Variants in CIDEC observed in about 807,000 individuals in gnomAD.
The protein encoded by CIDEC is lipid transferase CIDEC.
A neutral mutation model predicts 21.9 loss-of-function variants in CIDEC; 11 were observed. The ratio of observed to expected loss-of-function variants is 0.50; its 90% CI spans 0.32 to 0.83. The LOEUF (loss-of-function observed/expected upper bound fraction) is 0.83, where lower values mean the gene tolerates loss of function less well. Among genes scored for constraint, CIDEC ranks in the 40% least tolerant of loss-of-function variants. The pLI, the probability that CIDEC is intolerant of heterozygous loss-of-function variation, is 0.04. For synonymous variants in CIDEC, 127 were observed against 124.9 expected (o/e 1.02, Z -0.11); for missense variants, 302 against 302.3 (o/e 1.00, Z 0.01).
In CIDEC at chr3:9,867,040, G is replaced by A. The variant is rs1192245592; in HGVS notation, c.*94C>T. The A allele has an allele frequency of 5.0e-6, 7 of 1,396,680 alleles. No individual in the cohort carries two copies. Among genetic ancestry groups the A allele is most frequent in the African/African-American group, 4.2e-5 (3 of 70,714 alleles). The allele number at this position is 1,396,680 out of a possible 1,614,324, so 86.5% of individuals were successfully genotyped here. On this transcript the variant is annotated 3_prime_UTR_variant, in exon 7 of 7. Coordinates refer to ENST00000336832, the MANE Select transcript of CIDEC (RefSeq NM_001321142.2). ...GTGAGGGAGGTGTGGGGAGGTTCGC[G>A]GCTCTACAGCTGCCAGGCTTGTGGG...
intron 4 of CIDEC, among the ~76,000 whole-genome samples, chr3:9,873,912 A>T (rs1208170483): frequency 6.6e-6 from 1 of 152,170 alleles, no homozygotes; most frequent in Non-Finnish European, 1.5e-5. Context: ...CTCTTTCAGT[A>T]AGGGCCTGGG....
At chr3:9,869,789 C>T (rs543093399) in intron 6 of CIDEC, 93 bp downstream of exon 6, 1 of 1,191,438 alleles carries the variant, frequency 8.4e-7, no homozygotes, top group Admixed American at 1.9e-5. Context: ...AAAGCCAGAC[C>T]CAGGCGCTGA....
At chr3:9,869,450 A>G (rs1181543086) in intron 6 of CIDEC, among the ~76,000 whole-genome samples, 3 of 151,698 alleles carry the variant, frequency 2.0e-5, no homozygotes, top group Non-Finnish European at 2.9e-5. Context: ...AGGTTTTGCC[A>G]TGTTGGCCAG....
At chr3:9,878,608 C>A in intron 2 of CIDEC, 97 bp from the exon 3 acceptor site, 1 of 1,263,458 alleles carries the variant, frequency 7.9e-7, no homozygotes, top group Non-Finnish European at 1.1e-6. Flanking sequence ...TGTTCAGCAA[C>A]CTTCCTCCCT....
chr3:9,872,525 A>C (rs190316554), intron 4 of CIDEC, among the ~76,000 whole-genome samples: 1 of 152,124 alleles, frequency 6.6e-6, no homozygotes, highest in Non-Finnish European at 1.5e-5. Context: ...CTTTGGAGAA[A>C]TATCTACTCA....
In CIDEC at chr3:9,877,149, C is replaced by G; in HGVS notation, c.124G>C (p.Ala42Pro). The change falls in exon 4 of 7, where the codon GCC becomes CCC. Residue 42 changes from alanine (A) to proline (P), a missense_variant. Transcript: ENST00000336832. ...LSEPSPKAPR[A>P]RPCRVSTADR... Reference sequence around the variant, plus strand: ...GCCGTGCTTACGCGGCAGGGCCGGGCCCTGGGGGCCTTGGGGCTGGGCTCC... The same window carrying G: ...GCCGTGCTTACGCGGCAGGGCCGGGGCCTGGGGGCCTTGGGGCTGGGCTCC... 2.6e-6 allele frequency: 4 copies of G among 1,551,824 alleles called. No individual in the cohort carries two copies. The highest frequency in any genetic ancestry group is 3.5e-6 in the Non-Finnish European group (4 of 1,147,204).
At chr3:9,878,769 T>C in intron 2 of CIDEC, 173 bp downstream of exon 2, 1 of 1,536,088 alleles carries the variant, frequency 6.5e-7, no homozygotes, top group Non-Finnish European at 8.7e-7. Flanking sequence ...CCTGCCCCAG[T>C]CCCACTCACT....
At chr3:9,879,698 C>T (rs894265122) in intron 1 of CIDEC, among the ~76,000 whole-genome samples, 5 of 152,066 alleles carry the variant, frequency 3.3e-5, no homozygotes, top group African/African-American at 9.7e-5. Flanking sequence ...TGATCCAGGA[C>T]GAAATTTTTG....
chr3:9,877,321 C>T, intron 3 of CIDEC, 102 bp from the exon 4 acceptor site: 1 of 1,142,176 alleles, frequency 8.8e-7, no homozygotes, highest in Non-Finnish European at 1.3e-6. Flanking sequence ...GGCTCATGAT[C>T]AGTCAACCCC....
intron 4 of CIDEC, among the ~76,000 whole-genome samples, chr3:9,874,761 C>T (rs919292307): frequency 6.6e-6 from 1 of 151,988 alleles, no homozygotes; most frequent in Non-Finnish European, 1.5e-5. Flanking sequence ...AACAGGGTCT[C>T]GCTCTGTCAC....
chr3:9,878,673 C>A, intron 2 of CIDEC, 162 bp from the exon 3 acceptor site: 1 of 1,377,258 alleles, frequency 7.3e-7, no homozygotes, highest in Non-Finnish European at 1.0e-6. Context: ...TGTCCGGCCC[C>A]ATGCATGCCA....
At chr3:9,876,158 G>T (rs550955445) in intron 4 of CIDEC, among the ~76,000 whole-genome samples, 1 of 152,214 alleles carries the variant, frequency 6.6e-6, no homozygotes, top group Non-Finnish European at 1.5e-5. Flanking sequence ...GATTGCAGAT[G>T]AGAGGGTCCC....
chr3:9,870,595 T>C, intron 4 of CIDEC: 1 of 888,366 alleles, frequency 1.1e-6, no homozygotes, highest in East Asian at 2.6e-5. Flanking sequence ...TTTTAGTATA[T>C]TCGCAAAGTT....
chr3:9,877,000 C>A lies in CIDEC; in HGVS notation c.207+66G>T, dbSNP rs907945843. The A allele has an allele frequency of 9.4e-6, 13 of 1,378,234 alleles. No homozygotes were observed. In the African/African-American group the frequency reaches 1.2e-4, roughly 12 times the overall value. 85.4% of individuals were successfully genotyped at this position (1,378,234 alleles called of 1,614,324 possible). The stretch of plus-strand genomic sequence containing the variant: ...AAAGGAAACTGTGCCACCTTCTAAG[C>A]CCTGACCTCCATCTCTGCTGAATCC... On this transcript the variant is annotated intron_variant, in intron 4 of 6. Coordinates refer to ENST00000336832, the MANE Select transcript of CIDEC (RefSeq NM_001321142.2).
rs536172637 is a variant in CIDEC, at chr3:9,876,934, C to A, written c.207+132G>T. Reference sequence around the variant, plus strand: ...CATTGCTAATTAGTTGGACAGCTCTCCAGGTGGGCATTACCATCTGTAGGC... The same window carrying A: ...CATTGCTAATTAGTTGGACAGCTCTACAGGTGGGCATTACCATCTGTAGGC... On this transcript the variant is annotated intron_variant, in intron 4 of 6. Transcript: ENST00000336832. 738 of 735,038 alleles carry A rather than the reference C, an allele frequency of 1.0e-3. 15 individuals are homozygous for A. In the South Asian group the frequency reaches 0.011, roughly 11 times the overall value. 45.5% of individuals were successfully genotyped at this position (735,038 alleles called of 1,614,324 possible). A position where few individuals can be genotyped will look rare whatever the true frequency, so the allele number is the denominator to read the frequency against.
chr3:9,873,902 CTCTT>C (rs2082384865), intron 4 of CIDEC, among the ~76,000 whole-genome samples: 1 of 151,986 alleles, frequency 6.6e-6, no homozygotes, highest in Admixed American at 6.6e-5. Context: ...CTACTTAAAA[CTCTT>C]TCAGTAAGGG....
At chr3:9,872,166 T>C (rs923132434) in intron 4 of CIDEC, among the ~76,000 whole-genome samples, 2 of 150,790 alleles carry the variant, frequency 1.3e-5, no homozygotes, top group Non-Finnish European at 2.9e-5. Flanking sequence ...CCCCTAATGA[T>C]TAATGATGCT....
intron 4 of CIDEC, among the ~76,000 whole-genome samples, chr3:9,875,969 C>T (rs953847519): frequency 1.3e-5 from 2 of 152,182 alleles, no homozygotes; most frequent in African/African-American, 4.8e-5. Context: ...ATGTAGTCTG[C>T]GCAGCCAGAA....
At position 9,873,843 on chromosome 3, in the gene CIDEC, C is replaced by T. The variant is rs1434499147; in HGVS notation, c.207+3223G>A. On this transcript the variant is annotated intron_variant, in intron 4 of 6. Transcript: ENST00000336832. ...ATCATTAGTTATCTTGGAATGATGG[C>T]ATTATCACGTCACTTTTCTTGCTTG... Among the ~76,000 whole-genome samples, 5 of 152,170 alleles carry T rather than the reference C, an allele frequency of 3.3e-5. No individual in the cohort carries two copies. The East Asian group carries it at 7.7e-4, about 23-fold the overall frequency.
Sources: allele counts gnomAD v4.1 joint callset (sites outside exome capture counted in the v4.1 genomes callset), GRCh38; gene constraint gnomAD v4.1.1; transcripts MANE v1.5; gene names NCBI Gene and HGNC (gene_info 2026-07-23, HGNC 2026-07-21).